The following HTR2C variants were observed in gnomAD, a reference collection of about 807,000 sequenced individuals.
The protein encoded by HTR2C is 5-hydroxytryptamine (serotonin) receptor 2C, G protein-coupled.
A neutral mutation model predicts 21.0 loss-of-function variants in HTR2C; 5 were observed. The ratio of observed to expected loss-of-function variants is 0.24; its 90% CI spans 0.12 to 0.50. HTR2C has a LOEUF of 0.50. Among genes scored for constraint, HTR2C ranks in the 20% least tolerant of loss-of-function variants. The pLI, the probability that HTR2C is intolerant of heterozygous loss-of-function variation, is 0.98. For synonymous variants in HTR2C, 150 were observed against 145.3 expected, an observed-to-expected ratio of 1.03 and a Z score of -0.23; for missense variants, 271 against 371.2, an observed-to-expected ratio of 0.73 and a Z score of 2.22.
At chrX:114,803,985 G>A (rs2070378011) in intron 4 of HTR2C, among the ~76,000 whole-genome samples, 1 of 111,807 alleles carries the variant, frequency 8.9e-6, no homozygotes, top group Non-Finnish European at 1.9e-5. Flanking sequence ...GCTGTGTGTT[G>A]AGTGCTGGAG....
intron 4 of HTR2C, among the ~76,000 whole-genome samples, chrX:114,772,921 G>A (rs2070020354): frequency 1.8e-5 from 2 of 111,318 alleles, no homozygotes; most frequent in South Asian, 7.6e-4. Flanking sequence ...GTAGAGTACT[G>A]AAGTCCTAGC....
At chrX:114,808,172 T>A (rs2070497519) in intron 4 of HTR2C, among the ~76,000 whole-genome samples, 3 of 110,497 alleles carry the variant, frequency 2.7e-5, no homozygotes, top group Non-Finnish European at 3.8e-5. Context: ...TCTCCATGAG[T>A]TCAATTGTTT....
At chrX:114,754,373 G>A (rs1432981902) in intron 4 of HTR2C, among the ~76,000 whole-genome samples, 1 of 111,676 alleles carries the variant, frequency 9.0e-6, no homozygotes, top group Admixed American at 9.6e-5. Flanking sequence ...GCATTAAGAG[G>A]AATCACTGTA....
chrX:114,850,281 C>T (rs1218727613), intron 5 of HTR2C, among the ~76,000 whole-genome samples: 2 of 109,982 alleles, frequency 1.8e-5, no homozygotes, highest in African/African-American at 3.3e-5. Context: ...TGGTAGCACA[C>T]GCCTGTAATC....
At chrX:114,880,617 A>G (rs782167463) in intron 5 of HTR2C, among the ~76,000 whole-genome samples, 57 of 111,216 alleles carry the variant, frequency 5.1e-4, no homozygotes, top group Non-Finnish European at 8.6e-4. Context: ...CGAATTGACT[A>G]TCTGTCTCTG....
At chrX:114,803,095 C>T (rs782079604) in intron 4 of HTR2C, among the ~76,000 whole-genome samples, 1,439 of 89,484 alleles carry the variant, frequency 0.016, 41 homozygotes, top group African/African-American at 0.052. Flanking sequence ...TATTCCATGG[C>T]GTATATGTGC....
intron 4 of HTR2C, among the ~76,000 whole-genome samples, chrX:114,751,279 G>A (rs2069758452): frequency 1.8e-5 from 2 of 111,570 alleles, no homozygotes; most frequent in Admixed American, 9.5e-5. Context: ...TGTGTCTGGT[G>A]CACAAAACAA....
At chrX:114,847,554 T>C (rs1556467945) in intron 4 of HTR2C, among the ~76,000 whole-genome samples, 1 of 103,206 alleles carries the variant, frequency 9.7e-6, no homozygotes, top group African/African-American at 3.5e-5. Context: ...AACCTGCACA[T>C]TGTGCACATG....
intron 4 of HTR2C, among the ~76,000 whole-genome samples, chrX:114,750,364 T>C (rs1446066294): frequency 8.9e-6 from 1 of 112,364 alleles, no homozygotes; most frequent in East Asian, 2.8e-4. Context: ...TAATCTGTTC[T>C]GTCTTCTATT....
At chrX:114,772,905 G>A (rs1014128662) in intron 4 of HTR2C, among the ~76,000 whole-genome samples, 16 of 111,446 alleles carry the variant, frequency 1.4e-4, no homozygotes, top group Admixed American at 2.9e-4. Flanking sequence ...TTAAAACTAC[G>A]GGATGGTAGA....
intron 2 of HTR2C, among the ~76,000 whole-genome samples, chrX:114,701,652 A>T (rs1256036438): frequency 4.5e-5 from 5 of 112,152 alleles, no homozygotes; most frequent in Non-Finnish European, 7.5e-5. Flanking sequence ...AAAGCAGAGC[A>T]CCTCTCCTCA....
At chrX:114,618,428 C>T (rs1156904004) in intron 2 of HTR2C, among the ~76,000 whole-genome samples, 2 of 111,783 alleles carry the variant, frequency 1.8e-5, no homozygotes, top group East Asian at 2.8e-4. Flanking sequence ...TTTCAAAAAT[C>T]GGATTGACTT....
chrX:114,858,067 C>T (rs12011240), intron 5 of HTR2C, among the ~76,000 whole-genome samples: 7,087 of 110,641 alleles, frequency 0.064, 223 homozygotes, highest in Middle Eastern at 0.15. Context: ...ATCTAATATT[C>T]TGTCCTTGTA....
intron 4 of HTR2C, among the ~76,000 whole-genome samples, chrX:114,769,204 G>A (rs894824018): frequency 4.5e-5 from 5 of 110,912 alleles, no homozygotes; most frequent in African/African-American, 1.6e-4. Flanking sequence ...GTGGCCTTGA[G>A]GAAATGATTT....
At chrX:114,755,027 G>C (rs992964884) in intron 4 of HTR2C, among the ~76,000 whole-genome samples, 2 of 111,165 alleles carry the variant, frequency 1.8e-5, no homozygotes, top group Non-Finnish European at 3.8e-5. Flanking sequence ...ATCACCTGAG[G>C]TCAGGAGTTC....
intron 2 of HTR2C, among the ~76,000 whole-genome samples, chrX:114,656,706 C>T (rs1016285720): frequency 9.1e-6 from 1 of 110,193 alleles, no homozygotes; most frequent in Admixed American, 9.7e-5. Flanking sequence ...TAGTTTATGT[C>T]TGAATTTGCC....
intron 4 of HTR2C, among the ~76,000 whole-genome samples, chrX:114,773,443 A>T (rs1556437709): frequency 8.9e-6 from 1 of 112,261 alleles, no homozygotes; most frequent in Non-Finnish European, 1.9e-5. Context: ...TTTATGCGTC[A>T]GTTTTCCAAA....
intron 4 of HTR2C, among the ~76,000 whole-genome samples, chrX:114,754,849 G>A (rs782131002): frequency 8.9e-6 from 1 of 111,831 alleles, no homozygotes; most frequent in Admixed American, 9.5e-5. Flanking sequence ...CATCTACAGG[G>A]TGAGAGAAAT....
At chrX:114,767,962 A>G (rs2069962799) in intron 4 of HTR2C, among the ~76,000 whole-genome samples, 1 of 110,218 alleles carries the variant, frequency 9.1e-6, no homozygotes, top group Non-Finnish European at 1.9e-5. Context: ...AAGATGACAA[A>G]TTATTTCCAC....
Sources: allele counts gnomAD v4.1 joint callset (sites outside exome capture counted in the v4.1 genomes callset), GRCh38; gene constraint gnomAD v4.1.1; transcripts MANE v1.5; gene names NCBI Gene and HGNC (gene_info 2026-07-23, HGNC 2026-07-21).